PREX2: variants seen among roughly 807,000 people sequenced by gnomAD.
PREX2 encodes the protein phosphatidylinositol-3,4,5-trisphosphate dependent Rac exchange factor 2, also known as phosphatidylinositol 3,4,5-trisphosphate-dependent Rac exchanger 2 protein.
A neutral mutation model predicts 203.2 loss-of-function variants in PREX2; 107 were observed. The observed-to-expected ratio is 0.53, with a 90% CI of 0.45 to 0.62. The LOEUF (loss-of-function observed/expected upper bound fraction) is 0.62, where lower values mean the gene tolerates loss of function less well. Among genes scored for constraint, PREX2 ranks in the 20% least tolerant of loss-of-function variants. PREX2 has a pLI of 0.00. For missense variants in PREX2, 1,777 were observed against 1,955.9 expected (o/e 0.91, Z 1.72); for synonymous variants, 672 against 663.6 (o/e 1.01, Z -0.19).
At chr8:68,164,821 A>G (rs1250711607) in intron 35 of PREX2, among the ~76,000 whole-genome samples, 1 of 149,956 alleles carries the variant, frequency 6.7e-6, no homozygotes, top group African/African-American at 2.5e-5. Context: ...ACCTCAGGTG[A>G]TCTGCCCGCC....
chr8:68,015,506 T>C (rs1248225872), intron 1 of PREX2, among the ~76,000 whole-genome samples: 2 of 152,212 alleles, frequency 1.3e-5, no homozygotes, highest in Non-Finnish European at 2.9e-5. Flanking sequence ...AACTCATATT[T>C]TGATGCATTG....
chr8:68,116,817 T>G (rs913552353), intron 26 of PREX2, among the ~76,000 whole-genome samples: 1 of 152,154 alleles, frequency 6.6e-6, no homozygotes, highest in African/African-American at 2.4e-5. Flanking sequence ...ATGAATTTTA[T>G]TGGGAGACCT....
intron 39 of PREX2, among the ~76,000 whole-genome samples, chr8:68,230,704 C>T (rs1216251129): frequency 1.3e-5 from 2 of 152,118 alleles, no homozygotes; most frequent in African/African-American, 4.8e-5. Flanking sequence ...TTCCAGGCAT[C>T]TCCATGGTTT....
rs1812298984 is a variant in PREX2, at chr8:68,191,753, C to T, written c.4378C>T (p.Pro1460Ser). Residue 1460 changes from proline to serine, a missense_variant, in exon 36 of 40, where the codon CCA becomes TCA. Physicochemically the swap from Pro to Ser is moderately conservative, Grantham distance 74. Coordinates refer to ENST00000288368, the MANE Select transcript of PREX2 (RefSeq NM_024870.4). Reference sequence around the variant, plus strand: ...CTACTTGGACAAGTCAAATTCACCACCAAACTCCACATCCAAAGCTGCCTA... The same window carrying T: ...CTACTTGGACAAGTCAAATTCACCATCAAACTCCACATCCAAAGCTGCCTA... ...AFYLDKSNSP[P>S]NSTSKAAYVD... The T allele has an allele frequency of 1.2e-6, 2 of 1,610,466 alleles. No homozygotes were observed. Among genetic ancestry groups the T allele is most frequent in the African/African-American group, 2.7e-5 (2 of 74,806 alleles).
At chr8:68,062,956 T>A (rs564539957) in intron 11 of PREX2, among the ~76,000 whole-genome samples, 93 of 152,226 alleles carry the variant, frequency 6.1e-4, no homozygotes, top group African/African-American at 2.1e-3. Flanking sequence ...TCAATAAATA[T>A]TTGCTGAATG....
intron 35 of PREX2, among the ~76,000 whole-genome samples, chr8:68,159,717 T>A (rs186439794): frequency 7.2e-5 from 11 of 152,324 alleles, no homozygotes. Context: ...TCTGATTATA[T>A]CTGAAACTAT....
intron 37 of PREX2, among the ~76,000 whole-genome samples, chr8:68,192,903 G>A (rs1354343228): frequency 1.3e-5 from 2 of 152,196 alleles, no homozygotes; most frequent in South Asian, 2.1e-4. Flanking sequence ...CTATTCAGTG[G>A]TTCCAATCCT....
chr8:68,211,458 C>T (rs1812741047), intron 37 of PREX2, among the ~76,000 whole-genome samples: 1 of 152,122 alleles, frequency 6.6e-6, no homozygotes, highest in South Asian at 2.1e-4. Flanking sequence ...ATAAGTTTTT[C>T]CAAATAATGT....
At chr8:68,003,808 A>AT (rs779033151) in intron 1 of PREX2, among the ~76,000 whole-genome samples, 107 of 148,554 alleles carry the variant, frequency 7.2e-4, no homozygotes, top group Non-Finnish European at 1.4e-3. Flanking sequence ...TTTGGTTCCT[A>AT]TATCAGCCTC....
intron 1 of PREX2, among the ~76,000 whole-genome samples, chr8:68,013,213 A>G: frequency 6.6e-6 from 1 of 152,216 alleles, no homozygotes. Context: ...GACAGTAAAC[A>G]AATAGATAAA....
intron 1 of PREX2, among the ~76,000 whole-genome samples, chr8:67,958,969 T>C (rs917259865): frequency 2.6e-5 from 4 of 152,336 alleles, no homozygotes; most frequent in South Asian, 2.1e-4. Context: ...AGAAATAATT[T>C]GGGCCAAAAG....
intron 14 of PREX2, among the ~76,000 whole-genome samples, chr8:68,072,946 C>A (rs1809242672): frequency 6.6e-6 from 1 of 151,926 alleles, no homozygotes; most frequent in South Asian, 2.1e-4. Flanking sequence ...TCTCCCTGTG[C>A]CTTTTTCCCT....
intron 21 of PREX2, among the ~76,000 whole-genome samples, chr8:68,094,535 C>T (rs190067920): frequency 1.1e-4 from 16 of 152,292 alleles, no homozygotes; most frequent in Admixed American, 3.3e-4. Context: ...TGTTTCAAAA[C>T]GTTTTCACAG....
chr8:68,081,255 T>A (rs1048857432), intron 17 of PREX2, among the ~76,000 whole-genome samples: 4 of 152,124 alleles, frequency 2.6e-5, no homozygotes, highest in African/African-American at 9.7e-5. Context: ...ACAATTGGGT[T>A]CGCGCTCCTA....
intron 37 of PREX2, among the ~76,000 whole-genome samples, chr8:68,207,788 G>A (rs1812665086): frequency 1.3e-5 from 2 of 151,950 alleles, no homozygotes; most frequent in Admixed American, 1.3e-4. Flanking sequence ...CAAAGCCAGG[G>A]TCCAACTCAG....
rs953861602 is a variant in PREX2, at chr8:68,201,134, A to G, written c.4604+8609A>G. ...TATATTATAAATAAAAATTCCAGTC[A>G]TTTTCTGGAATATATTACTGAGATC... On this transcript the variant is annotated intron_variant, in intron 37 of 39. Transcript: ENST00000288368. Among the ~76,000 whole-genome samples, 3 of 151,792 alleles carry G rather than the reference A, an allele frequency of 2.0e-5. No homozygotes were observed. The East Asian group carries it at 5.8e-4, about 29-fold the overall frequency.
At chr8:68,137,904 T>C (rs1193592807) in intron 32 of PREX2, among the ~76,000 whole-genome samples, 2 of 152,224 alleles carry the variant, frequency 1.3e-5, no homozygotes, top group African/African-American at 4.8e-5. Context: ...CCCAAGCTCG[T>C]TGGAAGCCAA....
intron 1 of PREX2, among the ~76,000 whole-genome samples, chr8:67,959,580 C>T (rs1404479379): frequency 6.6e-6 from 1 of 152,080 alleles, no homozygotes; most frequent in Non-Finnish European, 1.5e-5. Context: ...AGCAAGCACC[C>T]CCATGGCACT....
rs1226534652 is a variant in PREX2 at position 68,234,959 on chromosome 8, CA to C, written c.*3584del. The stretch of plus-strand genomic sequence containing the variant: ...AGAGCCAAAAAAATGAATGGGTAAA[CA>C]AAGCCTAAGGGTCATGTTAATTAAT... On this transcript the variant is annotated 3_prime_UTR_variant, in exon 40 of 40. Transcript: ENST00000288368. 1 of 151,986 alleles carries C rather than the reference CA, an allele frequency of 6.6e-6. No individual in the cohort carries two copies. The highest frequency in any genetic ancestry group is 2.4e-5 in the African/African-American group (1 of 41,392). 9.4% of individuals were successfully genotyped at this position (151,986 alleles called of 1,614,324 possible).
Sources: gnomAD v4.1 joint callset for allele counts (sites outside exome capture counted in the v4.1 genomes callset) on GRCh38, gnomAD v4.1.1 for gene constraint, MANE v1.5 for transcripts, NCBI Gene and HGNC (gene_info 2026-07-23, HGNC 2026-07-21) for gene names.